PCED1B: variants seen among roughly 807,000 people sequenced by gnomAD.
PCED1B encodes PC-esterase domain-containing protein 1B.
For synonymous variants in PCED1B, 251 were observed against 246.1 expected, an observed-to-expected ratio of 1.02 and a Z score of -0.19; for missense variants, 573 against 573.9, an observed-to-expected ratio of 1.00 and a Z score of 0.02.
chr12:47,213,821 A>G (rs1318489349), intron 2 of PCED1B, among the ~76,000 whole-genome samples: 1 of 152,244 alleles, frequency 6.6e-6, no homozygotes. Flanking sequence ...CATAGAGCAT[A>G]ATAAGTTCTT....
intron 3 of PCED1B, among the ~76,000 whole-genome samples, chr12:47,218,074 A>T (rs1943356190): frequency 6.6e-6 from 1 of 152,232 alleles, no homozygotes; most frequent in Non-Finnish European, 1.5e-5. Context: ...ATAGCAGCGA[A>T]CATCTGTAGA....
At chr12:47,174,416 A>AAC (rs983629305) in intron 2 of PCED1B, among the ~76,000 whole-genome samples, 1 of 150,942 alleles carries the variant, frequency 6.6e-6, no homozygotes, top group African/African-American at 2.5e-5. Context: ...CCAAAAAAAA[A>AAC]AAACAAACAA....
chr12:47,162,199 G>T (rs539056558), intron 2 of PCED1B, among the ~76,000 whole-genome samples: 1 of 151,882 alleles, frequency 6.6e-6, no homozygotes, highest in East Asian at 1.9e-4. Flanking sequence ...CAACATCGCA[G>T]ATGTATACAT....
chr12:47,210,393 CTTACAA>C (rs1037935077), intron 2 of PCED1B: 2 of 152,166 alleles, frequency 1.3e-5, no homozygotes, highest in Non-Finnish European at 2.9e-5. Context: ...GATTCAAAGA[CTTACAA>C]TTACAGATTA....
chr12:47,117,956 G>A (rs545509278), intron 2 of PCED1B, among the ~76,000 whole-genome samples: 6 of 152,188 alleles, frequency 3.9e-5, no homozygotes, highest in Admixed American at 6.5e-5. Flanking sequence ...TTGTGATGAT[G>A]AGCATTTTTT....
In PCED1B at chr12:47,235,441, G is replaced by A; in HGVS notation, c.378G>A (p.Trp126Ter). 2 of 1,614,186 alleles carry A rather than the reference G, an allele frequency of 1.2e-6. No individual in the cohort carries two copies. Among genetic ancestry groups the A allele is most frequent in the Non-Finnish European group, 1.7e-6 (2 of 1,180,044 alleles). Residue 126 changes from tryptophan to a stop codon, truncating the protein, a stop_gained, in exon 4 of 4, where the codon TGG becomes TGA. Transcript: ENST00000546455. LOFTEE classifies it low-confidence loss of function (END_TRUNC). ...PDLVIMNSCLWDISRYGPNSW... is the reference protein window; with the variant it reads ...PDLVIMNSCL Reference sequence around the variant, plus strand: ...TGGTCATCATGAATTCCTGCCTCTGGGACATCTCCAGGTATGGTCCGAACT... The same window carrying A: ...TGGTCATCATGAATTCCTGCCTCTGAGACATCTCCAGGTATGGTCCGAACT...
At chr12:47,142,721 G>GA (rs1457141236) in intron 2 of PCED1B, among the ~76,000 whole-genome samples, 1 of 151,738 alleles carries the variant, frequency 6.6e-6, no homozygotes, top group African/African-American at 2.4e-5. Flanking sequence ...TCGCGCAGAA[G>GA]AAAAAAATCA....
intron 2 of PCED1B, among the ~76,000 whole-genome samples, chr12:47,169,108 T>G (rs58963887): frequency 0.019 from 2,828 of 152,286 alleles, 86 homozygotes; most frequent in African/African-American, 0.063. Flanking sequence ...TTAAAATCTG[T>G]TTTACATAAC....
intron 1 of PCED1B, among the ~76,000 whole-genome samples, chr12:47,098,519 G>A (rs1417657318): frequency 6.6e-6 from 1 of 152,188 alleles, no homozygotes; most frequent in Non-Finnish European, 1.5e-5. Flanking sequence ...GATGGAGTCT[G>A]TCGCCCAGGC....
chr12:47,137,756 AAAAAAAACAACCCAAAAAAC>A (rs1940439867), intron 2 of PCED1B, among the ~76,000 whole-genome samples: 1 of 151,510 alleles, frequency 6.6e-6, no homozygotes, highest in Non-Finnish European at 1.5e-5. Flanking sequence ...AAAAAAGAAA[AAAAAAAACAACCCAAAAAAC>A]AAAAAACAAA....
chr12:47,133,293 C>A (rs888341909), intron 2 of PCED1B, among the ~76,000 whole-genome samples: 3 of 152,134 alleles, frequency 2.0e-5, no homozygotes, highest in African/African-American at 7.2e-5. Flanking sequence ...GGATTGTACT[C>A]AGAGACTAAA....
At chr12:47,185,019 C>T (rs1942210614) in intron 2 of PCED1B, among the ~76,000 whole-genome samples, 1 of 152,162 alleles carries the variant, frequency 6.6e-6, no homozygotes, top group Non-Finnish European at 1.5e-5. Flanking sequence ...TTTTCCCTAG[C>T]TTTCCTTTCC....
At chr12:47,177,440 T>C (rs1941958549) in intron 2 of PCED1B, among the ~76,000 whole-genome samples, 1 of 152,172 alleles carries the variant, frequency 6.6e-6, no homozygotes, top group African/African-American at 2.4e-5. Context: ...TCACTGTGGT[T>C]CCAATCACCC....
chr12:47,139,424 G>A (rs1474344184), intron 2 of PCED1B, among the ~76,000 whole-genome samples: 1 of 152,144 alleles, frequency 6.6e-6, no homozygotes, highest in African/African-American at 2.4e-5. Context: ...AGTACACCAT[G>A]TGCACATCCA....
rs1013029304 is a variant in PCED1B at position 47,216,432 on chromosome 12, T to A, written c.-315T>A. 9.9e-5 allele frequency: 15 copies of A among 152,252 alleles called. No individual in the cohort carries two copies. Among genetic ancestry groups the A allele is most frequent in the Admixed American group, 9.8e-4 (15 of 15,286 alleles). The allele number at this position is 152,252 out of a possible 1,614,324, so 9.4% of individuals were successfully genotyped here. On this transcript the variant is annotated 5_prime_UTR_variant, in exon 3 of 4. Coordinates refer to ENST00000546455, the MANE Select transcript of PCED1B (RefSeq NM_138371.3). ...AAAGTCTTGAAGCTTCGGTCATTAG[T>A]CTTCCGCTTCCTAAAGCAAGAAACT...
intron 2 of PCED1B, among the ~76,000 whole-genome samples, chr12:47,202,965 T>G (rs1054099648): frequency 5.6e-5 from 8 of 143,932 alleles, no homozygotes; most frequent in African/African-American, 2.0e-4. Flanking sequence ...TTACTTCTCT[T>G]TTCTTTCTTT....
intron 3 of PCED1B, among the ~76,000 whole-genome samples, chr12:47,230,417 A>C (rs1262221554): frequency 1.3e-5 from 2 of 151,086 alleles, no homozygotes; most frequent in African/African-American, 2.4e-5. Context: ...ATTCACACGT[A>C]AGTACTTCAT....
chr12:47,113,749 C>T (rs193197333), intron 2 of PCED1B, among the ~76,000 whole-genome samples: 32 of 152,040 alleles, frequency 2.1e-4, no homozygotes, highest in Non-Finnish European at 3.8e-4. Context: ...GTGGCTCACG[C>T]CTGTAATCCC....
Position 47,235,980 on chromosome 12 carries a change from C to A in PCED1B, c.917C>A (p.Pro306Gln). 1.2e-6 allele frequency: 2 copies of A among 1,612,332 alleles called. No individual in the cohort carries two copies. The highest frequency in any genetic ancestry group is 1.7e-6 in the Non-Finnish European group (2 of 1,179,166). The change falls in exon 4 of 4, where the codon CCA becomes CAA. Residue 306 changes from proline (P) to glutamine (Q), a missense_variant. By Grantham distance (76) the Pro-to-Gln change is moderately conservative (BLOSUM62 -1). Transcript: ENST00000546455. ...ACATACCGCCCCCTGCTTGGGTTCC[C>A]ACCCCAGCGCTTGCCGCTGCTCCCG... is the stretch of plus-strand genomic sequence containing the variant. ...SPTYRPLLGFPPQRLPLLPLL... is the reference protein window; with the variant it reads ...SPTYRPLLGFQPQRLPLLPLL...
Sources: allele counts gnomAD v4.1 joint callset (sites outside exome capture counted in the v4.1 genomes callset), GRCh38; gene constraint gnomAD v4.1.1; transcripts MANE v1.5; gene names NCBI Gene and HGNC (gene_info 2026-07-23, HGNC 2026-07-21).